The following CFAP20 variants were observed in gnomAD, a reference collection of about 807,000 sequenced individuals.
The protein encoded by CFAP20 is cilia and flagella associated protein 20, also known as cilia- and flagella-associated protein 20.
A neutral mutation model predicts 25.5 loss-of-function variants in CFAP20; 14 were observed. The observed-to-expected ratio is 0.55, with a 90% CI of 0.36 to 0.86. The LOEUF is 0.86. Among genes scored for constraint, CFAP20 ranks in the 40% least tolerant of loss-of-function variants. The probability of loss-of-function intolerance (pLI) is 0.01; values close to 1 mark genes in which losing one functional copy is unlikely to be tolerated. For missense variants in CFAP20, 181 were observed against 248.0 expected, an observed-to-expected ratio of 0.73 and a Z score of 1.81; for synonymous variants, 75 against 91.1, an observed-to-expected ratio of 0.82 and a Z score of 1.01.
At chr16:58,116,822 C>A in intron 2 of CFAP20, 50 bp downstream of exon 2, 2 of 1,528,900 alleles carry the variant, frequency 1.3e-6, no homozygotes, top group Non-Finnish European at 1.8e-6. Flanking sequence ...CTATGACGTA[C>A]TGCCTCCCTA....
chr16:58,117,406 C>G (rs756123472), intron 1 of CFAP20, among the ~76,000 whole-genome samples: 49 of 152,260 alleles, frequency 3.2e-4, no homozygotes, highest in South Asian at 1.0e-3. Context: ...CTCATACTGC[C>G]TCGTAGATTT....
chr16:58,114,866 C>A lies in CFAP20; in HGVS notation c.520G>T (p.Glu174Ter). The A allele has an allele frequency of 7.4e-6, 12 of 1,614,126 alleles. No homozygotes were observed. The highest frequency in any genetic ancestry group is 1.0e-5 in the Non-Finnish European group (12 of 1,180,006). ...TTGAACTCTGCCGGCAGCTCATCTT[C>A]TGAGTAGAGTCTGTCTGAGAAGTAA... ...RVYFSDRLYS[E>*]DELPAEFKLY... Residue 174 changes from glutamate to a stop codon, truncating the protein, a stop_gained, in exon 5 of 6, where the codon GAA becomes TAA. Coordinates refer to ENST00000262498, the MANE Select transcript of CFAP20 (RefSeq NM_013242.3). LOFTEE classifies it high-confidence loss of function.
intron 1 of CFAP20, among the ~76,000 whole-genome samples, chr16:58,123,892 A>G (rs975140186): frequency 2.0e-5 from 3 of 152,180 alleles, no homozygotes; most frequent in African/African-American, 7.2e-5. Context: ...GTCAAGTGTG[A>G]TAAGAAAGAA....
At chr16:58,114,710 C>T (rs918060559) in intron 5 of CFAP20, 100 bp downstream of exon 5, 16 of 921,798 alleles carry the variant, frequency 1.7e-5, no homozygotes, top group Non-Finnish European at 2.8e-5. Context: ...AGTGTCAACA[C>T]AGAGAGGCTC....
At chr16:58,122,490 G>A (rs1960547293) in intron 1 of CFAP20, among the ~76,000 whole-genome samples, 1 of 152,158 alleles carries the variant, frequency 6.6e-6, no homozygotes, top group Non-Finnish European at 1.5e-5. Context: ...GCTGAGGCAG[G>A]AGAATTGCTT....
At chr16:58,114,616 A>G (rs1960431777) in intron 5 of CFAP20, among the ~76,000 whole-genome samples, 194 bp downstream of exon 5, 1 of 152,118 alleles carries the variant, frequency 6.6e-6, no homozygotes, top group Admixed American at 6.5e-5. Context: ...GAGGGGAAAC[A>G]GCAGTAACAG....
intron 1 of CFAP20, among the ~76,000 whole-genome samples, chr16:58,128,016 T>C (rs1478740572): frequency 1.3e-5 from 2 of 152,240 alleles, no homozygotes; most frequent in African/African-American, 2.4e-5. Flanking sequence ...AAAAGCAGCA[T>C]TCGGCATACC....
intron 1 of CFAP20, among the ~76,000 whole-genome samples, chr16:58,125,378 G>C (rs1454147791): frequency 6.6e-6 from 1 of 152,198 alleles, no homozygotes; most frequent in Non-Finnish European, 1.5e-5. Flanking sequence ...TTGTTAAGTA[G>C]GAGTACATTC....
intron 4 of CFAP20, 26 bp downstream of exon 4, chr16:58,115,243 G>T (rs571323556): frequency 6.2e-7 from 1 of 1,613,316 alleles, no homozygotes; most frequent in African/African-American, 1.3e-5. Flanking sequence ...CCCAACCCAG[G>T]GCTCTATCTG....
chr16:58,116,040 C>T lies in CFAP20; in HGVS notation c.276+1G>A, dbSNP rs1960453144. On this transcript the variant is annotated splice_donor_variant, in intron 3 of 5. Coordinates refer to ENST00000262498, the MANE Select transcript of CFAP20 (RefSeq NM_013242.3). LOFTEE classifies it high-confidence loss of function. ...GGACACATTCATGTACACATACTTA[C>T]CTGCACTTCGAAGGTAAAATACTTC... 1 of 1,592,112 alleles carries T rather than the reference C, an allele frequency of 6.3e-7. No homozygotes were observed. The highest frequency in any genetic ancestry group is 1.3e-5 in the African/African-American group (1 of 74,392).
intron 3 of CFAP20, 77 bp downstream of exon 3, chr16:58,115,964 G>T: frequency 1.9e-6 from 2 of 1,031,284 alleles, no homozygotes; most frequent in Admixed American, 2.0e-5. Context: ...ACTTTGTAGG[G>T]TCACTTTTTC....
chr16:58,128,919 C>T (rs1383354305), intron 1 of CFAP20, 113 bp downstream of exon 1: 2 of 1,123,992 alleles, frequency 1.8e-6, no homozygotes, highest in African/African-American at 3.2e-5. Flanking sequence ...ACAGCAGCGT[C>T]CTCTCGGCCT....
At position 58,113,870 on chromosome 16, in the gene CFAP20, T is replaced by G; in HGVS notation, c.*155A>C. ...AATGCAGTCACAGAGTTACGGCATG[T>G]TCACCGGTGTCCATGACAAGCAACA... On this transcript the variant is annotated 3_prime_UTR_variant, in exon 6 of 6. Coordinates refer to ENST00000262498, the MANE Select transcript of CFAP20 (RefSeq NM_013242.3). 1.2e-6 allele frequency: 1 copy of G among 842,232 alleles called. No homozygotes were observed. The highest frequency in any genetic ancestry group is 2.1e-5 in the Admixed American group (1 of 48,382). 52.2% of individuals were successfully genotyped at this position (842,232 alleles called of 1,614,324 possible).
At chr16:58,115,089 C>T (rs1960438946) in intron 4 of CFAP20, 169 bp from the exon 5 acceptor site, 1 of 1,009,856 alleles carries the variant, frequency 9.9e-7, no homozygotes, top group Non-Finnish European at 1.5e-6. Flanking sequence ...GCTGTATTCA[C>T]CTCTATACCT....
chr16:58,126,320 G>C (rs74019801), intron 1 of CFAP20, among the ~76,000 whole-genome samples: 4,830 of 152,220 alleles, frequency 0.032, 103 homozygotes, highest in East Asian at 0.089. Context: ...TGGAGGGGAG[G>C]GGCTGTGAGC....
rs182136503 is a variant in CFAP20, at chr16:58,119,807, T to C, written c.85-2856A>G. 1.5e-3 allele frequency among the ~76,000 whole-genome samples: 223 copies of C among 151,024 alleles called. 5 individuals are homozygous for C. In the East Asian group the frequency reaches 0.039, roughly 26 times the overall value. On this transcript the variant is annotated intron_variant, in intron 1 of 5. Coordinates refer to ENST00000262498, the MANE Select transcript of CFAP20 (RefSeq NM_013242.3). ...ACCTAAGTGCCCACCTCACTCGCCATCTACTGTTCCCAACCTAAGTGCCCA... is the reference window on the plus strand; with the variant it reads ...ACCTAAGTGCCCACCTCACTCGCCACCTACTGTTCCCAACCTAAGTGCCCA...
chr16:58,129,309 C>T lies in CFAP20; in HGVS notation c.-194G>A. On this transcript the variant is annotated 5_prime_UTR_variant, in exon 1 of 6. Transcript: ENST00000262498. ...GCAACGCTAAGTCCGCGATCTTCAG[C>T]TCCTAAGCTGCGAGCTCAGAACGGA... 1 of 586,496 alleles carries T rather than the reference C, an allele frequency of 1.7e-6. No individual in the cohort carries two copies. Among genetic ancestry groups the T allele is most frequent in the East Asian group, 2.9e-5 (1 of 34,756 alleles). The allele number at this position is 586,496 out of a possible 1,614,324, so 36.3% of individuals were successfully genotyped here.
chr16:58,129,236 G>T lies in CFAP20; in HGVS notation c.-121C>A. The T allele has an allele frequency of 2.9e-6, 3 of 1,044,476 alleles. No individual in the cohort carries two copies. Among genetic ancestry groups the T allele is most frequent in the Non-Finnish European group, 4.2e-6 (3 of 718,042 alleles). 64.7% of individuals were successfully genotyped at this position (1,044,476 alleles called of 1,614,324 possible). ...CCCTGTTCCGAAGAAGGGTGGTTGA[G>T]CTCCTGGCCTCCGGATCTGCAGCCA... is the stretch of plus-strand genomic sequence containing the variant. On this transcript the variant is annotated 5_prime_UTR_variant, in exon 1 of 6. Transcript: ENST00000262498.
intron 1 of CFAP20, among the ~76,000 whole-genome samples, chr16:58,125,276 C>T (rs1022264776): frequency 3.3e-5 from 5 of 152,234 alleles, no homozygotes; most frequent in East Asian, 1.9e-4. Flanking sequence ...ACGCACATGG[C>T]GCTGTCATCT....
Sources: gnomAD v4.1 joint callset for allele counts (sites outside exome capture counted in the v4.1 genomes callset) on GRCh38, gnomAD v4.1.1 for gene constraint, MANE v1.5 for transcripts, NCBI Gene and HGNC (gene_info 2026-07-23, HGNC 2026-07-21) for gene names.